MUTYH: variants seen among roughly 807,000 people sequenced by gnomAD.
MUTYH encodes the protein mutY DNA glycosylase.
MUTYH carries 64 observed loss-of-function variants against 72.9 expected under a neutral mutation model. The observed-to-expected ratio is 0.88, with a 90% CI of 0.72 to 1.08. The LOEUF is 1.08. Ranked by LOEUF, MUTYH falls within the 50% of genes least tolerant of loss-of-function variation. MUTYH has a pLI of 0.00. For synonymous variants in MUTYH, 234 were observed against 263.1 expected (o/e 0.89, Z 1.07); for missense variants, 633 against 671.0 (o/e 0.94, Z 0.63).
In MUTYH at chr1:45,333,327, G is replaced by A. The variant is rs534010336; in HGVS notation, c.265-3C>T. The A allele has an allele frequency of 1.9e-6, 3 of 1,614,258 alleles. No homozygotes were observed. The highest frequency in any genetic ancestry group is 2.2e-5 in the East Asian group (1 of 44,892). ...TCCAGGTCCATCTCATCTTCTGCCT[G>A]TCAATGCAACCCCAGATGAGGAGTT... On this transcript the variant is annotated splice_polypyrimidine_tract_variant and splice_region_variant and intron_variant, in intron 3 of 15. Transcript: ENST00000456914.
intron 15 of MUTYH, among the ~76,000 whole-genome samples, chr1:45,329,638 T>G (rs1489398321): frequency 1.3e-5 from 2 of 152,130 alleles, no homozygotes; most frequent in African/African-American, 4.8e-5. Context: ...CGAATTGTCC[T>G]AAAAATGCAA....
At chr1:45,330,601 A>T in intron 14 of MUTYH, 44 bp from the exon 15 acceptor site, 1 of 1,580,520 alleles carries the variant, frequency 6.3e-7, no homozygotes, top group Non-Finnish European at 8.6e-7. Context: ...CTTTTTGCAA[A>T]AGAGATAAAC....
chr1:45,331,250 G>T lies in MUTYH; in HGVS notation c.1324C>A (p.Pro442Thr). ...TGCGTCAGCCAGCGAGCACCTGGTG[G>T]TACGGTGGTCACTGGGGTCTGCCCT... ...LEGQTPVTTVPPGARWLTQEE... is the reference protein window; with the variant it reads ...LEGQTPVTTVTPGARWLTQEE... Residue 442 changes from proline (P) to threonine (T), a missense_variant, in exon 14 of 16, where the codon CCA becomes ACA. Physicochemically the swap from Pro to Thr is conservative, Grantham distance 38. Coordinates refer to ENST00000456914, the MANE Select transcript of MUTYH (RefSeq NM_001048174.2). 6.2e-7 allele frequency: 1 copy of T among 1,614,220 alleles called. No individual in the cohort carries two copies. Among genetic ancestry groups the T allele is most frequent in the South Asian group, 1.1e-5 (1 of 91,090 alleles).
chr1:45,333,233 A>T, intron 4 of MUTYH, 52 bp downstream of exon 4: 1 of 1,614,128 alleles, frequency 6.2e-7, no homozygotes. Context: ...CACAGCCCCC[A>T]GACCCAAGGG....
chr1:45,340,386 T>G, upstream of MUTYH: 1 of 1,549,446 alleles, frequency 6.5e-7, no homozygotes, highest in Non-Finnish European at 8.7e-7. Flanking sequence ...TTCTAGAGGC[T>G]CCTCAAGCTT....
rs1644987488 is a variant in MUTYH at position 45,332,047 on chromosome 1, C to T, written c.889G>A (p.Gly297Ser). The change falls in exon 11 of 16, where the codon GGC becomes AGC. Residue 297 changes from glycine to serine, a missense_variant. By Grantham distance (56) the Gly-to-Ser change is moderately conservative. Coordinates refer to ENST00000456914, the MANE Select transcript of MUTYH (RefSeq NM_001048174.2). ...CCACACTCCTCCACGTCAGGACTGC[C>T]CGACAGGCTCCCTGAGGCTAAGAGC... Reference protein sequence around the residue: ...EQLLASGSLSGSPDVEECAPN... With the variant: ...EQLLASGSLSSSPDVEECAPN... 6.2e-7 allele frequency: 1 copy of T among 1,614,072 alleles called. No homozygotes were observed. The highest frequency in any genetic ancestry group is 8.5e-7 in the Non-Finnish European group (1 of 1,180,026).
At chr1:45,339,980 C>G, upstream of MUTYH, 1 of 1,530,422 alleles carries the variant, frequency 6.5e-7, no homozygotes, top group Non-Finnish European at 8.8e-7. Context: ...GATTACCTCC[C>G]GCGAGCTCTA....
chr1:45,333,986 C>G (rs1645465145), intron 2 of MUTYH: 2 of 375,812 alleles, frequency 5.3e-6, no homozygotes, highest in East Asian at 1.2e-4. Context: ...CACAGCAATA[C>G]AGTCAGAATT....
chr1:45,332,291 C>G lies in MUTYH; in HGVS notation c.724G>C (p.Val242Leu), dbSNP rs765046399. 1 of 1,614,134 alleles carries G rather than the reference C, an allele frequency of 6.2e-7. No homozygotes were observed. Among genetic ancestry groups the G allele is most frequent in the Non-Finnish European group, 8.5e-7 (1 of 1,180,006 alleles). ...QQLWGLAQQL[V>L]DPARPGDFNQ... is the part of the protein sequence containing the mutation. ...AAATCTCCTGGCCGGGCTGGGTCCA[C>G]CAGCTGCTGGGCTAGACCCCTAAAA... is the stretch of plus-strand genomic sequence containing the variant. The change falls in exon 10 of 16, where the codon GTG (valine) becomes CTG (leucine). Residue 242 changes from valine (V) to leucine (L), a missense_variant. Val to Leu is a conservative substitution (Grantham distance 32, BLOSUM62 1). Coordinates refer to ENST00000456914, the MANE Select transcript of MUTYH (RefSeq NM_001048174.2).
chr1:45,340,150 A>G (rs1646789153), upstream of MUTYH: 1 of 1,590,966 alleles, frequency 6.3e-7, no homozygotes, highest in South Asian at 1.1e-5. Flanking sequence ...CGGCGACCCG[A>G]CGGCGAGACC....
In MUTYH at chr1:45,332,676, C is replaced by G. The variant is rs587781645; in HGVS notation, c.504G>C (p.Glu168Asp). The change falls in exon 8 of 16, where the codon GAG becomes GAC. Residue 168 changes from glutamate (E) to aspartate (D), a missense_variant. Glu to Asp is a conservative substitution (Grantham distance 45). Transcript: ENST00000456914. ...CTGTACGTGGCATGTGGCCCCCTAG[C>G]TCCTCTACCACCTGATTGGAGTGCA... ...LQEGARKVVE[E>D]LGGHMPRTAE... The G allele has an allele frequency of 1.7e-5, 28 of 1,614,066 alleles. No individual in the cohort carries two copies. The highest frequency in any genetic ancestry group is 2.7e-5 in the African/African-American group (2 of 74,926).
At chr1:45,336,532 T>TC (rs924737947) in intron 1 of MUTYH, among the ~76,000 whole-genome samples, 29 of 151,900 alleles carry the variant, frequency 1.9e-4, no homozygotes, top group African/African-American at 5.8e-4. Context: ...CTTGGTAATC[T>TC]CCCCCCCACC....
chr1:45,340,157 G>T, upstream of MUTYH: 1 of 1,598,632 alleles, frequency 6.3e-7, no homozygotes, highest in South Asian at 1.1e-5. Flanking sequence ...CCGACGGCGA[G>T]ACCCCGCCCC....
At position 45,332,015 on chromosome 1, in the gene MUTYH, G is replaced by A; in HGVS notation, c.913+8C>T. The A allele has an allele frequency of 6.2e-7, 1 of 1,614,184 alleles. No individual in the cohort carries two copies. The highest frequency in any genetic ancestry group is 2.2e-5 in the East Asian group (1 of 44,874). The stretch of plus-strand genomic sequence containing the variant: ...AGGGTTGGGGTGGGGGCTAGGTTTG[G>A]TGCTCACCACACTCCTCCACGTCAG... On this transcript the variant is annotated splice_region_variant and intron_variant, in intron 11 of 15. Transcript: ENST00000456914.
rs3219480 is a variant in MUTYH, at chr1:45,336,309, C to T, written c.-6-1798G>A. Among the ~76,000 whole-genome samples, 1,404 of 152,296 alleles carry T rather than the reference C, an allele frequency of 9.2e-3. 11 individuals carry two copies. Among genetic ancestry groups the T allele is most frequent in the Non-Finnish European group, 0.015 (1,004 of 68,030 alleles). Reference sequence around the variant, plus strand: ...GATTAGGCTTGCAACATAGCAAGACCCCGTCTCTACAAAAACAGAAAAACA... The same window carrying T: ...GATTAGGCTTGCAACATAGCAAGACTCCGTCTCTACAAAAACAGAAAAACA... On this transcript the variant is annotated intron_variant, in intron 1 of 15. Transcript: ENST00000456914.
Position 45,329,442 on chromosome 1 carries a change from G to A in MUTYH, c.1435-5C>T. ...CACCTGGGACCTTTTGGAACCCTGT[G>A]AAAAAATGGAAGGAGGGAGGCCTTG... is the stretch of plus-strand genomic sequence containing the variant. On this transcript the variant is annotated splice_region_variant and splice_polypyrimidine_tract_variant and intron_variant, in intron 15 of 15. Transcript: ENST00000456914. The A allele has an allele frequency of 6.2e-7, 1 of 1,612,978 alleles. No individual in the cohort carries two copies. The highest frequency in any genetic ancestry group is 8.5e-7 in the Non-Finnish European group (1 of 1,179,614).
chr1:45,330,998 T>C (rs1161178827), intron 14 of MUTYH, among the ~76,000 whole-genome samples, 184 bp downstream of exon 14: 1 of 152,084 alleles, frequency 6.6e-6, no homozygotes, highest in African/African-American at 2.4e-5. Context: ...GGCAGGAGAA[T>C]CACTTGAACC....
rs199575659 is a variant in MUTYH at position 45,331,432 on chromosome 1, C to A, written c.1227G>T (p.Arg409=). The A allele has an allele frequency of 6.2e-7, 1 of 1,614,250 alleles. No homozygotes were observed. The highest frequency in any genetic ancestry group is 1.1e-5 in the South Asian group (1 of 91,090). ...WAGPLPATHL[R]HLGEVVHTFS... ...GCTGCTCACTTACCTCCCCAAGGTG[C>A]CGGAGGTGCGTGGCTGGGAGGGGCC... Residue 409 remains arginine (R), a synonymous_variant, in exon 13 of 16, where the codon CGG becomes CGT. Coordinates refer to ENST00000456914, the MANE Select transcript of MUTYH (RefSeq NM_001048174.2).
intron 1 of MUTYH, among the ~76,000 whole-genome samples, chr1:45,339,365 C>T (rs1051012477): frequency 1.3e-5 from 2 of 151,968 alleles, no homozygotes; most frequent in Admixed American, 6.6e-5. Flanking sequence ...GCGCCCGCAC[C>T]ATACCCAGCT....
Sources: allele counts gnomAD v4.1 joint callset (sites outside exome capture counted in the v4.1 genomes callset), GRCh38; gene constraint gnomAD v4.1.1; transcripts MANE v1.5; gene names NCBI Gene and HGNC (gene_info 2026-07-23, HGNC 2026-07-21).